UVRAG: variants seen among roughly 807,000 people sequenced by gnomAD.
UVRAG encodes UV radiation resistance associated.
In UVRAG, 19 loss-of-function variants were observed where a neutral mutation model predicts 78.0. That is an observed-to-expected ratio of 0.24 (90% CI 0.17 to 0.36). The LOEUF is 0.36. Ranked by LOEUF, UVRAG falls within the 10% of genes least tolerant of loss-of-function variation. The pLI is 1.00. For synonymous variants in UVRAG, 323 were observed against 324.6 expected (o/e 1.00, Z 0.05); for missense variants, 740 against 853.8 (o/e 0.87, Z 1.66).
intron 8 of UVRAG, among the ~76,000 whole-genome samples, chr11:75,996,814 A>G (rs902036836): frequency 6.6e-6 from 1 of 152,196 alleles, no homozygotes; most frequent in African/African-American, 2.4e-5. Context: ...TCATAAGTCC[A>G]TGGGCTTTCT....
chr11:75,849,839 T>C (rs1224842455), intron 1 of UVRAG, among the ~76,000 whole-genome samples: 1 of 152,208 alleles, frequency 6.6e-6, no homozygotes, highest in African/African-American at 2.4e-5. Context: ...CTAGGTGTTT[T>C]GAACAAAGAA....
At chr11:75,996,879 T>G (rs1241561984) in intron 8 of UVRAG, among the ~76,000 whole-genome samples, 9 of 152,196 alleles carry the variant, frequency 5.9e-5, no homozygotes, top group Non-Finnish European at 8.8e-5. Flanking sequence ...AGAACTAATA[T>G]TAGCTCTGAC....
chr11:75,837,652 G>T (rs1945815205), intron 1 of UVRAG: 1 of 151,866 alleles, frequency 6.6e-6, no homozygotes, highest in Non-Finnish European at 1.5e-5. Flanking sequence ...AGCCTATTGA[G>T]ATTTTTTTTT....
At chr11:76,117,123 A>G (rs150301764) in intron 14 of UVRAG, among the ~76,000 whole-genome samples, 66 of 152,368 alleles carry the variant, frequency 4.3e-4, no homozygotes, top group African/African-American at 1.5e-3. Flanking sequence ...GTCTCTGTGT[A>G]AAGCTCTGTG....
intron 6 of UVRAG, among the ~76,000 whole-genome samples, chr11:75,920,008 G>GTTTTTTGTTTTTTTTT (rs1947941022): frequency 1.6e-4 from 9 of 55,460 alleles, no homozygotes; most frequent in African/African-American, 5.2e-4. Context: ...AATAATTTTG[G>GTTTTTTGTTTTTTTTT]TTTTTTTTTT....
At chr11:76,003,188 G>A (rs1211203643) in intron 8 of UVRAG, among the ~76,000 whole-genome samples, 3 of 149,444 alleles carry the variant, frequency 2.0e-5, no homozygotes, top group East Asian at 3.9e-4. Context: ...ACTATCTGTC[G>A]TCATGTAAAA....
chr11:76,119,969 G>A (rs77120818), intron 14 of UVRAG, among the ~76,000 whole-genome samples: 2 of 152,136 alleles, frequency 1.3e-5, no homozygotes, highest in South Asian at 4.1e-4. Flanking sequence ...TCCTGTCGCT[G>A]TACTGGCCTC....
chr11:76,103,852 G>A (rs1035529784), intron 13 of UVRAG, among the ~76,000 whole-genome samples: 14 of 151,696 alleles, frequency 9.2e-5, no homozygotes, highest in African/African-American at 2.9e-4. Context: ...TAGAAACAAC[G>A]ATTTTAAAAG....
At chr11:76,102,383 T>C (rs754344134) in intron 13 of UVRAG, among the ~76,000 whole-genome samples, 2 of 152,182 alleles carry the variant, frequency 1.3e-5, no homozygotes, top group Non-Finnish European at 2.9e-5. Flanking sequence ...GGTTTGGCTG[T>C]TGTTGGGAAT....
intron 6 of UVRAG, among the ~76,000 whole-genome samples, chr11:75,920,008 GTTTTTTTTT>G (rs140217190): frequency 2.0e-3 from 109 of 55,464 alleles, no homozygotes; most frequent in African/African-American, 5.6e-3. Flanking sequence ...AATAATTTTG[GTTTTTTTTT>G]TTTTTTTTTT....
intron 7 of UVRAG, among the ~76,000 whole-genome samples, chr11:75,975,200 G>C (rs1949212254): frequency 6.6e-6 from 1 of 152,050 alleles, no homozygotes; most frequent in Non-Finnish European, 1.5e-5. Context: ...ATTTCTGAGG[G>C]CTCTGTTCTG....
chr11:75,965,463 C>T (rs561553972), intron 7 of UVRAG, among the ~76,000 whole-genome samples: 1 of 152,320 alleles, frequency 6.6e-6, no homozygotes, highest in South Asian at 2.1e-4. Flanking sequence ...AGGCGTCCAC[C>T]ACCACGCCCA....
At chr11:75,969,458 G>A (rs188478492) in intron 7 of UVRAG, among the ~76,000 whole-genome samples, 2 of 152,216 alleles carry the variant, frequency 1.3e-5, no homozygotes, top group East Asian at 3.9e-4. Context: ...TTTTACAGTG[G>A]GGTGGCAGGG....
At chr11:75,825,072 G>T (rs1282903469) in intron 1 of UVRAG, among the ~76,000 whole-genome samples, 7 of 151,388 alleles carry the variant, frequency 4.6e-5, no homozygotes, top group Non-Finnish European at 7.4e-5. Flanking sequence ...AACATTTTAG[G>T]TTTATGCTTT....
intron 7 of UVRAG, among the ~76,000 whole-genome samples, chr11:75,977,084 GT>G (rs1481510309): frequency 6.6e-6 from 1 of 152,152 alleles, no homozygotes; most frequent in African/African-American, 2.4e-5. Context: ...GTTCTCATTG[GT>G]TTCAAAGAAC....
intron 5 of UVRAG, among the ~76,000 whole-genome samples, chr11:75,896,963 C>G (rs1009350419): frequency 4.6e-5 from 7 of 152,108 alleles, no homozygotes; most frequent in Non-Finnish European, 7.4e-5. Context: ...CATAGAGATA[C>G]AAGTAAGAAT....
In UVRAG at chr11:75,935,875, T is replaced by TCCATTCAAGTTTCTTCAGC. The variant is rs1948364910; in HGVS notation, c.593+23837_593+23855dup. ...ATGTTACTGGCATCTCATTCATCCA[T>TCCATTCAAGTTTCTTCAGC]CCATTCAAGTTTCTTCAGCTGTCTC... On this transcript the variant is annotated intron_variant, in intron 6 of 14. Transcript: ENST00000356136. Among the ~76,000 whole-genome samples, 4 of 152,166 alleles carry TCCATTCAAGTTTCTTCAGC rather than the reference T, an allele frequency of 2.6e-5. No individual in the cohort carries two copies. The South Asian group carries it at 8.3e-4, about 32-fold the overall frequency.
chr11:76,092,572 A>T (rs1951719966), intron 13 of UVRAG, among the ~76,000 whole-genome samples: 1 of 152,120 alleles, frequency 6.6e-6, no homozygotes, highest in African/African-American at 2.4e-5. Context: ...TTTGATTTGC[A>T]TTTCTCTGAT....
At chr11:75,863,284 G>A (rs960459386) in intron 3 of UVRAG, among the ~76,000 whole-genome samples, 1 of 152,292 alleles carries the variant, frequency 6.6e-6, no homozygotes, top group East Asian at 1.9e-4. Flanking sequence ...AATAGTTACT[G>A]AGTAAATATT....
Sources: allele counts gnomAD v4.1 joint callset (sites outside exome capture counted in the v4.1 genomes callset), GRCh38; gene constraint gnomAD v4.1.1; transcripts MANE v1.5; gene names NCBI Gene and HGNC (gene_info 2026-07-23, HGNC 2026-07-21).